The following TKT variants were observed in gnomAD, a reference collection of about 807,000 sequenced individuals.
The protein encoded by TKT is transketolase, also known as epididymis luminal protein 107.
A neutral mutation model predicts 63.9 loss-of-function variants in TKT; 47 were observed. That is an observed-to-expected ratio of 0.74 (90% confidence interval 0.58 to 0.94). TKT has a LOEUF of 0.94. Among genes scored for constraint, TKT ranks in the 40% least tolerant of loss-of-function variants. The pLI is 0.00. For missense variants in TKT, 721 were observed against 846.2 expected (o/e 0.85, Z 1.84); for synonymous variants, 338 against 334.1 (o/e 1.01, Z -0.13).
In TKT at chr3:53,247,425, AG is replaced by A. The variant is rs201161926; in HGVS notation, c.108-5184del. On this transcript the variant is annotated intron_variant, in intron 1 of 13. Transcript: ENST00000462138. ...TGGCTCACCTGAGGCACCTGAGGTC[AG>A]GAGTTCAAGACCGGCCTGGCCAACA... Among the ~76,000 whole-genome samples the A allele has an allele frequency of 5.6e-3, 847 of 151,270 alleles. 63 individuals carry two copies. The South Asian group carries it at 0.13, about 23-fold the overall frequency.
chr3:53,242,330 C>T (rs116603559), intron 1 of TKT, 88 bp from the exon 2 acceptor site: 545 of 1,326,058 alleles, frequency 4.1e-4, no homozygotes, highest in South Asian at 8.3e-4. Context: ...CCTGGGGGTG[C>T]ATGTCCTGAG....
intron 5 of TKT, 182 bp downstream of exon 5, chr3:53,234,801 T>C: frequency 1.8e-6 from 1 of 550,580 alleles, no homozygotes; most frequent in Non-Finnish European, 2.9e-6. Context: ...CTGGCCCACA[T>C]ATCCTGAGCC....
chr3:53,251,378 T>C (rs549810453), intron 1 of TKT, among the ~76,000 whole-genome samples: 5 of 152,212 alleles, frequency 3.3e-5, no homozygotes, highest in Admixed American at 2.0e-4. Flanking sequence ...GGGGTTTTGT[T>C]TTTTTAAAGC....
In TKT at chr3:53,240,338, A is replaced by G; in HGVS notation, c.350T>C (p.Phe117Ser). ...LDGHPVPKQAFTDVATGSLGQ... is the reference protein window; with the variant it reads ...LDGHPVPKQASTDVATGSLGQ... ...CAGGGAGCCAGTGGCCACGTCGGTG[A>G]AAGCTTGTTTCTGTCATAACAGAAG... Residue 117 changes from phenylalanine (F) to serine (S), a missense_variant, in exon 4 of 14, where the codon TTC becomes TCC. Physicochemically the swap from Phe to Ser is radical, Grantham distance 155. Transcript: ENST00000462138. The G allele has an allele frequency of 6.2e-7, 1 of 1,612,412 alleles. No homozygotes were observed. The highest frequency in any genetic ancestry group is 8.5e-7 in the Non-Finnish European group (1 of 1,178,976).
intron 1 of TKT, among the ~76,000 whole-genome samples, chr3:53,243,068 G>T (rs1322977415): frequency 3.9e-5 from 6 of 152,126 alleles, no homozygotes; most frequent in African/African-American, 1.4e-4. Flanking sequence ...TATGGACAAG[G>T]GCTGAGGAAG....
At position 53,225,797 on chromosome 3, in the gene TKT, C is replaced by T; in HGVS notation, c.1831G>A (p.Ala611Thr). The T allele has an allele frequency of 6.2e-7, 1 of 1,614,044 alleles. No individual in the cohort carries two copies. The highest frequency in any genetic ancestry group is 8.5e-7 in the Non-Finnish European group (1 of 1,179,930). ...AGGCCCCTCACAGCTTGTGCAATGG[C>T]ATCCCTGTCGATACCAAACATCTTC... ...LLKMFGIDRD[A>T]IAQAVRGLIT... is the part of the protein sequence containing the mutation. Residue 611 changes from alanine to threonine, a missense_variant, in exon 14 of 14, where the codon GCC becomes ACC. Ala to Thr is a moderately conservative substitution (Grantham distance 58, BLOSUM62 0). Transcript: ENST00000462138.
chr3:53,232,927 C>CCT, intron 6 of TKT: 1 of 521,920 alleles, frequency 1.9e-6, no homozygotes, highest in Non-Finnish European at 3.4e-6. Context: ...TCCCTCCTCT[C>CCT]CTCCTGCCTG....
chr3:53,246,670 C>T (rs62255999), intron 1 of TKT, among the ~76,000 whole-genome samples: 25,175 of 151,394 alleles, frequency 0.17, 2,632 homozygotes, highest in Middle Eastern at 0.27. Flanking sequence ...TTGACCAACA[C>T]GGATAAACCC....
intron 1 of TKT, among the ~76,000 whole-genome samples, chr3:53,255,456 G>A (rs530093621): frequency 2.6e-5 from 4 of 152,342 alleles, no homozygotes; most frequent in African/African-American, 7.2e-5. Flanking sequence ...GGTTAAGAGG[G>A]CCGCGTTCTG....
intron 1 of TKT, 29 bp downstream of exon 1, chr3:53,255,807 C>T: frequency 7.0e-7 from 1 of 1,433,874 alleles, no homozygotes; most frequent in Non-Finnish European, 9.2e-7. Flanking sequence ...CCGCCCGAGC[C>T]GCGTCCCCGG....
intron 6 of TKT, chr3:53,232,642 G>C: frequency 2.5e-6 from 1 of 398,078 alleles, no homozygotes; most frequent in Non-Finnish European, 4.4e-6. Context: ...CTCATTCTCC[G>C]GCCTGGGGCA....
At chr3:53,240,483 T>C in intron 3 of TKT, 135 bp from the exon 4 acceptor site, 1 of 669,400 alleles carries the variant, frequency 1.5e-6, no homozygotes, top group Non-Finnish European at 2.5e-6. Flanking sequence ...GGCCTCTACC[T>C]AGCATGTGAC....
intron 2 of TKT, chr3:53,241,876 T>G: frequency 2.0e-6 from 1 of 496,514 alleles, no homozygotes. Context: ...CTCCATTTCT[T>G]TGAGTTAAAG....
At chr3:53,243,445 C>T (rs782590719) in intron 1 of TKT, 4 of 380,456 alleles carry the variant, frequency 1.1e-5, no homozygotes, top group African/African-American at 6.3e-5. Flanking sequence ...GCCAGCCTCC[C>T]GCCCCTCCAA....
intron 3 of TKT, 59 bp from the exon 4 acceptor site, chr3:53,240,407 C>T: frequency 2.0e-6 from 3 of 1,521,458 alleles, no homozygotes; most frequent in Non-Finnish European, 2.7e-6. Context: ...GTCTCACCCG[C>T]CTAGGGAGCC....
At chr3:53,230,713 C>G (rs572705704) in intron 7 of TKT, 92 bp from the exon 8 acceptor site, 16 of 1,485,698 alleles carry the variant, frequency 1.1e-5, no homozygotes, top group Admixed American at 6.4e-5. Context: ...AGGATTAAAA[C>G]GGGGCCAAAA....
intron 12 of TKT, chr3:53,227,653 AGGAG>A (rs1704557288): frequency 1.1e-5 from 2 of 187,806 alleles, no homozygotes; most frequent in South Asian, 2.0e-4. Context: ...TGTAACCCTC[AGGAG>A]AGCTCTGAGG....
chr3:53,228,866 A>C (rs1328245088), intron 10 of TKT, 141 bp downstream of exon 10: 122 of 1,252,884 alleles, frequency 9.7e-5, no homozygotes, highest in Non-Finnish European at 1.3e-4. Context: ...TTCTTGTCTA[A>C]CTTCCACAAG....
At chr3:53,241,965 C>A (rs1705298964) in intron 2 of TKT, 160 bp downstream of exon 2, 2 of 683,032 alleles carry the variant, frequency 2.9e-6, no homozygotes, top group Non-Finnish European at 5.2e-6. Context: ...TGGGTCAGCA[C>A]AGAGCAGGAC....
Sources: gnomAD v4.1 joint callset for allele counts (sites outside exome capture counted in the v4.1 genomes callset) on GRCh38, gnomAD v4.1.1 for gene constraint, MANE v1.5 for transcripts, NCBI Gene and HGNC (gene_info 2026-07-23, HGNC 2026-07-21) for gene names.